Variants in RGP1 observed in about 807,000 individuals in gnomAD.
RGP1 encodes the protein RGP1 partner of RAB6A GEF complex, also known as RAB6A-GEF complex partner protein 2.
Under a neutral mutation model 44.5 loss-of-function variants are expected in RGP1, and 28 were observed. That is an observed-to-expected ratio of 0.63 (90% CI 0.47 to 0.86). RGP1 has a LOEUF of 0.86. RGP1 is among the 40% of genes least tolerant of loss of function. The pLI is 0.00. For missense variants in RGP1, 417 were observed against 490.7 expected (o/e 0.85, Z 1.42); for synonymous variants, 212 against 196.7 (o/e 1.08, Z -0.65).
chr9:35,764,241 G>A, the RGP1 span, among the ~76,000 whole-genome samples: 1 of 152,182 alleles, frequency 6.6e-6, no homozygotes, highest in South Asian at 2.1e-4. Flanking sequence ...CTTAGCACTT[G>A]GTCTGATTTT....
At chr9:35,750,637 A>G in intron 3 of RGP1, 21 bp from the exon 4 acceptor site, 2 of 1,610,676 alleles carry the variant, frequency 1.2e-6, no homozygotes, top group Non-Finnish European at 1.7e-6. Flanking sequence ...TCATTAAATT[A>G]GTCATTTTTA....
chr9:35,766,214 C>T, the RGP1 span, among the ~76,000 whole-genome samples: 3 of 148,296 alleles, frequency 2.0e-5, no homozygotes, highest in Non-Finnish European at 4.4e-5. Context: ...TTTTAATTTG[C>T]ATTTTCCTAA....
At chr9:35,788,136 A>G in the RGP1 span, among the ~76,000 whole-genome samples, 3 of 152,232 alleles carry the variant, frequency 2.0e-5, no homozygotes, top group African/African-American at 7.2e-5. Flanking sequence ...GAGCTCAACT[A>G]GGGTCTTGAG....
At position 35,754,063 on chromosome 9, in the gene RGP1, A is replaced by G. The variant is rs1827321143; in HGVS notation, c.*1189A>G. ...TGCTGGAGGAGTAGAGACATCACCAAGCAGATGATCCCCCAGCCTCCTAGG... is the reference window on the plus strand; with the variant it reads ...TGCTGGAGGAGTAGAGACATCACCAGGCAGATGATCCCCCAGCCTCCTAGG... On this transcript the variant is annotated 3_prime_UTR_variant, in exon 9 of 9. Coordinates refer to ENST00000378078, the MANE Select transcript of RGP1 (RefSeq NM_001080496.3). The G allele has an allele frequency of 6.2e-7, 1 of 1,613,690 alleles. No individual in the cohort carries two copies. The highest frequency in any genetic ancestry group is 1.3e-5 in the African/African-American group (1 of 74,874).
downstream of RGP1, among the ~76,000 whole-genome samples, chr9:35,759,595 A>G (rs1436746453): frequency 6.7e-6 from 1 of 148,614 alleles, no homozygotes; most frequent in Non-Finnish European, 1.5e-5. Context: ...AAAAAAAAAA[A>G]AAAAAGAATT....
At chr9:35,773,712 G>T in the RGP1 span, among the ~76,000 whole-genome samples, 1 of 152,030 alleles carries the variant, frequency 6.6e-6, no homozygotes, top group Admixed American at 6.5e-5. Flanking sequence ...ATGTTGGCCA[G>T]GCTGGTCTCG....
Position 35,753,552 on chromosome 9 carries a change from G to A in RGP1, c.*678G>A, listed in dbSNP as rs1338641985. 3 of 984,314 alleles carry A rather than the reference G, an allele frequency of 3.0e-6. No individual in the cohort carries two copies. The highest frequency in any genetic ancestry group is 1.6e-5 in the African/African-American group (1 of 62,042). 61.0% of individuals were successfully genotyped at this position (984,314 alleles called of 1,614,324 possible). On this transcript the variant is annotated 3_prime_UTR_variant, in exon 9 of 9. Transcript: ENST00000378078. This position sits in a 1 kb window ranked among gnomAD's most constrained non-coding sequence, Gnocchi z 4.2. ...GGTCCCTTCAGGTTTGGCCCATCTT[G>A]TATTGCTCTTCTGTTCATTCTTACA...
Position 35,752,970 on chromosome 9 carries a change from G to C in RGP1, c.*96G>C, listed in dbSNP as rs1002918738. The C allele has an allele frequency of 1.3e-6, 2 of 1,523,830 alleles. No individual in the cohort carries two copies. The highest frequency in any genetic ancestry group is 4.6e-5 in the East Asian group (2 of 43,150). The allele number at this position is 1,523,830 out of a possible 1,614,324, so 94.4% of individuals were successfully genotyped here. ...CTTTTTCCACCTGGGGTCCAATGTC[G>C]TGGACAGTGAGAGTCGGGCTTTCAG... On this transcript the variant is annotated 3_prime_UTR_variant, in exon 9 of 9. Transcript: ENST00000378078.
At chr9:35,776,602 A>T in the RGP1 span, among the ~76,000 whole-genome samples, 1 of 151,856 alleles carries the variant, frequency 6.6e-6, no homozygotes, top group Non-Finnish European at 1.5e-5. Context: ...TTCTCATCTA[A>T]ATAAATATTT....
Position 35,752,655 on chromosome 9 carries a change from C to A in RGP1, c.957C>A (p.Ser319=), listed in dbSNP as rs1305033059. Residue 319 remains serine, a synonymous_variant, in exon 9 of 9, where the codon TCC becomes TCA. Transcript: ENST00000378078. ...STPGFCTAIV[S]LKWRLHFEFV... Reference sequence around the variant, plus strand: ...CTTAATCTTTTTCTTCCATAGTGTCCTTGAAGTGGAGATTGCATTTTGAAT... The same window carrying A: ...CTTAATCTTTTTCTTCCATAGTGTCATTGAAGTGGAGATTGCATTTTGAAT... The A allele has an allele frequency of 6.2e-7, 1 of 1,608,546 alleles. No homozygotes were observed. Among genetic ancestry groups the A allele is most frequent in the East Asian group, 2.2e-5 (1 of 44,826 alleles).
chr9:35,751,565 G>A (rs1827265338), intron 6 of RGP1, 62 bp from the exon 7 acceptor site: 12 of 1,608,790 alleles, frequency 7.5e-6, no homozygotes, highest in Non-Finnish European at 1.0e-5. Context: ...GGCCTGTGGT[G>A]CCCAGTCCTA....
chr9:35,771,814 C>A, the RGP1 span, among the ~76,000 whole-genome samples: 1 of 152,172 alleles, frequency 6.6e-6, no homozygotes, highest in African/African-American at 2.4e-5. Flanking sequence ...ACTCTAAGAC[C>A]TTTTTTCTCT....
At chr9:35,751,587 GT>G (rs1418355422) in intron 6 of RGP1, 39 bp from the exon 7 acceptor site, 3 of 1,613,380 alleles carry the variant, frequency 1.9e-6, no homozygotes, top group Non-Finnish European at 2.5e-6. Context: ...ACGTTATCCA[GT>G]ATGTAGACTC....
At chr9:35,762,792 G>A (rs933206270), downstream of RGP1, among the ~76,000 whole-genome samples, 1 of 148,280 alleles carries the variant, frequency 6.7e-6, no homozygotes, top group Non-Finnish European at 1.5e-5. Context: ...GCTTTTATTT[G>A]TTTTACAAAT....
the RGP1 span, among the ~76,000 whole-genome samples, chr9:35,765,184 C>G: frequency 6.6e-6 from 1 of 151,140 alleles, no homozygotes; most frequent in African/African-American, 2.4e-5. Flanking sequence ...TATGGACATA[C>G]AGCAGTTTGT....
Position 35,749,481 on chromosome 9 carries a change from A to C in RGP1, c.-20+73A>C. Reference sequence around the variant, plus strand: ...AGGGGGAGCGGAGGCCAGTTTGGGAACTCCGCGGGGGTGCCCAGGGAGAAG... The same window carrying C: ...AGGGGGAGCGGAGGCCAGTTTGGGACCTCCGCGGGGGTGCCCAGGGAGAAG... On this transcript the variant is annotated intron_variant, in intron 1 of 8. Coordinates refer to ENST00000378078, the MANE Select transcript of RGP1 (RefSeq NM_001080496.3). This position sits in a 1 kb window ranked among gnomAD's most constrained non-coding sequence, Gnocchi z 4.4. 1 of 632,688 alleles carries C rather than the reference A, an allele frequency of 1.6e-6. No homozygotes were observed. Among genetic ancestry groups the C allele is most frequent in the Non-Finnish European group, 3.0e-6 (1 of 329,542 alleles). The allele number at this position is 632,688 out of a possible 1,614,324, so 39.2% of individuals were successfully genotyped here.
chr9:35,776,305 T>C, the RGP1 span, among the ~76,000 whole-genome samples: 3 of 151,866 alleles, frequency 2.0e-5, no homozygotes, highest in Admixed American at 1.3e-4. Context: ...TTTTTTTTTT[T>C]AGATGGAGTC....
At chr9:35,763,698 A>G in the RGP1 span, among the ~76,000 whole-genome samples, 1 of 152,094 alleles carries the variant, frequency 6.6e-6, no homozygotes, top group Non-Finnish European at 1.5e-5. Flanking sequence ...CCTGGCCAAC[A>G]TGGCGAAACC....
rs1340190511 is a variant in RGP1, at chr9:35,750,758, A to C, written c.337+17A>C. 4.3e-6 allele frequency: 7 copies of C among 1,613,914 alleles called. No homozygotes were observed. Among genetic ancestry groups the C allele is most frequent in the Non-Finnish European group, 5.1e-6 (6 of 1,179,842 alleles). ...CCAAATCATGTGAGTGATTGTCCCC[A>C]TCCCTGAATTGCCTTCTAAGTCTCC... is the stretch of plus-strand genomic sequence containing the variant. On this transcript the variant is annotated intron_variant, in intron 4 of 8. Transcript: ENST00000378078.
Sources: allele counts gnomAD v4.1 joint callset (sites outside exome capture counted in the v4.1 genomes callset), GRCh38; gene constraint gnomAD v4.1.1; non-coding constraint Gnocchi (gnomAD v3.1); transcripts MANE v1.5; gene names NCBI Gene and HGNC (gene_info 2026-07-23, HGNC 2026-07-21).